The following ACO2 variants were observed in gnomAD, a reference collection of about 807,000 sequenced individuals.
ACO2 encodes the protein aconitase 2.
In ACO2, 31 loss-of-function variants were observed where a neutral mutation model predicts 84.5. That is an observed-to-expected ratio of 0.37 (90% confidence interval 0.28 to 0.50). The LOEUF (loss-of-function observed/expected upper bound fraction) is 0.50. Among genes scored for constraint, ACO2 ranks in the 20% least tolerant of loss-of-function variants. The pLI is 0.97. For synonymous variants in ACO2, 414 were observed against 412.7 expected (o/e 1.00, Z -0.04); for missense variants, 685 against 1,029.3 (o/e 0.67, Z 4.58).
chr22:41,525,668 G>A (rs1601931227), intron 14 of ACO2: 4 of 351,170 alleles, frequency 1.1e-5, no homozygotes, highest in East Asian at 5.6e-5. Context: ...GACAGTGTGT[G>A]TGATTGCACA....
intron 2 of ACO2, among the ~76,000 whole-genome samples, chr22:41,507,071 T>G (rs2066398895): frequency 6.6e-6 from 1 of 150,428 alleles, no homozygotes; most frequent in Non-Finnish European, 1.5e-5. Flanking sequence ...TTGGCTCTGA[T>G]GAGGAAGGGA....
chr22:41,527,651 G>C, intron 16 of ACO2: 1 of 791,420 alleles, frequency 1.3e-6, no homozygotes, highest in South Asian at 1.8e-5. Context: ...CTGAGATCTA[G>C]GACATGTGCC....
rs116980596 is a variant in ACO2, at chr22:41,514,044, C to T, written c.526-1333C>T. ...ACAAGCTTGAGGCTCTTTAGGGATG[C>T]ACTAGTCTTAAATCCTTGTACGTGG... On this transcript the variant is annotated intron_variant, in intron 4 of 17. Transcript: ENST00000216254. 2.7e-3 allele frequency among the ~76,000 whole-genome samples: 409 copies of T among 152,370 alleles called. 2 individuals carry two copies. Among genetic ancestry groups the T allele is most frequent in the Non-Finnish European group, 3.9e-3 (265 of 68,034 alleles).
chr22:41,476,157 C>T (rs2038010887), intron 1 of ACO2, among the ~76,000 whole-genome samples: 1 of 152,156 alleles, frequency 6.6e-6, no homozygotes, highest in Admixed American at 6.5e-5. Context: ...CCTGTAATCC[C>T]AGCACTTTGG....
rs980272823 is a variant in ACO2 at position 41,481,766 on chromosome 22, C to T, written c.36+12584C>T. On this transcript the variant is annotated intron_variant, in intron 1 of 17. Transcript: ENST00000216254. ...GAGTTTGAAAGCACAATCCAGAAGG[C>T]CGGTGGTCGTGTCACGGCTCTGCCT... Among the ~76,000 whole-genome samples the T allele has an allele frequency of 2.6e-5, 4 of 152,196 alleles. No individual in the cohort carries two copies. In the East Asian group the frequency reaches 5.8e-4, roughly 22 times the overall value.
intron 1 of ACO2, among the ~76,000 whole-genome samples, chr22:41,497,428 G>A (rs969047015): frequency 5.9e-5 from 9 of 152,014 alleles, no homozygotes; most frequent in African/African-American, 2.2e-4. Context: ...ACCCTTGAAG[G>A]TTGTTATTCA....
chr22:41,482,614 T>A (rs541669104), intron 1 of ACO2, among the ~76,000 whole-genome samples: 1 of 152,306 alleles, frequency 6.6e-6, no homozygotes, highest in South Asian at 2.1e-4. Flanking sequence ...GGAGAAGACA[T>A]AATTGTGGTT....
At chr22:41,519,612 T>C (rs2146130068) in intron 8 of ACO2, among the ~76,000 whole-genome samples, 1 of 152,156 alleles carries the variant, frequency 6.6e-6, no homozygotes. Context: ...GAGACCATCC[T>C]GGCTAATGTG....
At chr22:41,469,535 G>A (rs2037916002) in intron 1 of ACO2, 1 of 264,546 alleles carries the variant, frequency 3.8e-6, no homozygotes, top group East Asian at 7.3e-5. Flanking sequence ...TAGGGGGCGC[G>A]GTCGTTGTTG....
chr22:41,519,059 C>A (rs1342674953), intron 8 of ACO2, among the ~76,000 whole-genome samples: 1 of 152,176 alleles, frequency 6.6e-6, no homozygotes, highest in Non-Finnish European at 1.5e-5. Flanking sequence ...GGAGACACAG[C>A]CACGGGGAGA....
intron 2 of ACO2, among the ~76,000 whole-genome samples, chr22:41,504,237 AAAAAT>A (rs1366570656): frequency 2.6e-5 from 4 of 152,182 alleles, no homozygotes; most frequent in Non-Finnish European, 5.9e-5. Context: ...CTCAAAAAAT[AAAAAT>A]AAAGCGTTCT....
chr22:41,474,200 AGAGAATAAGGGT>A (rs1238837283), intron 1 of ACO2, among the ~76,000 whole-genome samples: 3 of 151,564 alleles, frequency 2.0e-5, no homozygotes, highest in South Asian at 2.1e-4. Context: ...TGGGAGGGAT[AGAGAATAAGGGT>A]GACTCCTGGG....
intron 3 of ACO2, among the ~76,000 whole-genome samples, chr22:41,510,663 A>T (rs1418924348): frequency 1.3e-5 from 2 of 151,790 alleles, no homozygotes; most frequent in East Asian, 1.9e-4. Context: ...CTAGAATCCC[A>T]CCGTTTTGTT....
intron 14 of ACO2, chr22:41,525,893 A>C (rs2066583730): frequency 4.5e-6 from 1 of 222,466 alleles, no homozygotes; most frequent in Non-Finnish European, 8.8e-6. Context: ...AGAAGAGACT[A>C]ATCAGTCATC....
chr22:41,518,593 G>A lies in ACO2; in HGVS notation c.1032+21G>A, dbSNP rs542320196. The stretch of plus-strand genomic sequence containing the variant: ...GTGAGGTGAGGAGACAATTAACTGG[G>A]TTCAAGAAGTTTCTGAGAGTAGTGG... On this transcript the variant is annotated intron_variant, in intron 8 of 17. Coordinates refer to ENST00000216254, the MANE Select transcript of ACO2 (RefSeq NM_001098.3). 1.9e-6 allele frequency: 3 copies of A among 1,580,516 alleles called. No individual in the cohort carries two copies. The African/African-American group carries it at 4.0e-5, about 21-fold the overall frequency.
rs192141304 is a variant in ACO2 at position 41,518,123 on chromosome 22, G to A, written c.941-358G>A. ...AGGGTGGTGCGTTGTGGGAGTGAAC[G>A]AGGAGCCAGAGACCAGGGGCCATGG... is the stretch of plus-strand genomic sequence containing the variant. On this transcript the variant is annotated intron_variant, in intron 7 of 17. Coordinates refer to ENST00000216254, the MANE Select transcript of ACO2 (RefSeq NM_001098.3). 1.2e-4 allele frequency among the ~76,000 whole-genome samples: 19 copies of A among 152,314 alleles called. No individual in the cohort carries two copies. In the East Asian group the frequency reaches 3.7e-3, roughly 29 times the overall value.
Position 41,523,079 on chromosome 22 carries a change from C to A in ACO2, c.1296+92C>A. On this transcript the variant is annotated intron_variant, in intron 10 of 17. Transcript: ENST00000216254. The stretch of plus-strand genomic sequence containing the variant: ...AGCCCAGAGGCCTGTTGGGCCGGGG[C>A]TGGGGCAGGTCCCAGTGGCTGCCCT... 10 of 1,570,614 alleles carry A rather than the reference C, an allele frequency of 6.4e-6. No homozygotes were observed. The South Asian group carries it at 1.2e-4, about 18-fold the overall frequency.
intron 3 of ACO2, among the ~76,000 whole-genome samples, chr22:41,508,430 G>A (rs907601202): frequency 3.9e-5 from 6 of 152,134 alleles, no homozygotes; most frequent in Non-Finnish European, 5.9e-5. Context: ...ACCCACTCCC[G>A]CTCTCCTCTG....
chr22:41,503,546 G>A (rs755758714), intron 2 of ACO2, among the ~76,000 whole-genome samples: 2 of 151,976 alleles, frequency 1.3e-5, no homozygotes, highest in African/African-American at 4.8e-5. Flanking sequence ...AGCCGGGATG[G>A]TCTCAATCTC....
Sources: allele counts gnomAD v4.1 joint callset (sites outside exome capture counted in the v4.1 genomes callset), GRCh38; gene constraint gnomAD v4.1.1; transcripts MANE v1.5; gene names NCBI Gene and HGNC (gene_info 2026-07-23, HGNC 2026-07-21).